ACTR3C: variants seen among roughly 807,000 people sequenced by gnomAD.
ACTR3C encodes the protein actin-related protein 3C.
A neutral mutation model predicts 26.3 loss-of-function variants in ACTR3C; 18 were observed. That is an observed-to-expected ratio of 0.68 (90% CI 0.47 to 1.01). The LOEUF (loss-of-function observed/expected upper bound fraction) is 1.01, where lower values mean the gene tolerates loss of function less well. Among genes scored for constraint, ACTR3C ranks in the 50% least tolerant of loss-of-function variants. ACTR3C has a pLI of 0.00. For missense variants in ACTR3C, 184 were observed against 250.7 expected (o/e 0.73, Z 1.80); for synonymous variants, 55 against 94.5 (o/e 0.58, Z 2.42).
the ACTR3C span, among the ~76,000 whole-genome samples, chr7:150,032,304 G>C: frequency 6.6e-6 from 1 of 152,194 alleles, no homozygotes; most frequent in Non-Finnish European, 1.5e-5. Flanking sequence ...CATTTTGAGA[G>C]GAAGCTCTTG....
chr7:150,314,667 G>A (rs2129616339), intron 1 of ACTR3C, among the ~76,000 whole-genome samples: 1 of 151,718 alleles, frequency 6.6e-6, no homozygotes, highest in South Asian at 2.1e-4. Flanking sequence ...TTAAGGCTGA[G>A]CTTGGTGGCT....
the ACTR3C span, among the ~76,000 whole-genome samples, chr7:150,117,829 G>A: frequency 2.0e-5 from 3 of 152,190 alleles, no homozygotes; most frequent in Non-Finnish European, 4.4e-5. Flanking sequence ...CCTCATACAG[G>A]AGAGCTCTGA....
chr7:150,015,762 G>A, the ACTR3C span, among the ~76,000 whole-genome samples: 2 of 152,174 alleles, frequency 1.3e-5, no homozygotes, highest in African/African-American at 2.4e-5. Context: ...CCTACTCCAT[G>A]CCACAGTGAC....
chr7:150,167,230 C>T, the ACTR3C span, among the ~76,000 whole-genome samples: 5 of 150,664 alleles, frequency 3.3e-5, no homozygotes, highest in Non-Finnish European at 5.9e-5. Flanking sequence ...TGAGAACCCT[C>T]CATACTGTTG....
chr7:150,164,038 G>A, the ACTR3C span, among the ~76,000 whole-genome samples: 1 of 152,150 alleles, frequency 6.6e-6, no homozygotes, highest in East Asian at 1.9e-4. Flanking sequence ...AATATCCCAG[G>A]CTAGGGTATG....
the ACTR3C span, among the ~76,000 whole-genome samples, chr7:150,127,410 T>C: frequency 5.3e-5 from 8 of 152,102 alleles, no homozygotes; most frequent in Non-Finnish European, 7.4e-5. Flanking sequence ...CCTACTTGGC[T>C]GCATTTTACT....
chr7:150,140,053 T>C, the ACTR3C span, among the ~76,000 whole-genome samples: 1 of 144,594 alleles, frequency 6.9e-6, no homozygotes, highest in Admixed American at 6.7e-5. Context: ...CGCACACACA[T>C]GCACACACAC....
At chr7:150,055,614 A>G in the ACTR3C span, among the ~76,000 whole-genome samples, 12 of 152,028 alleles carry the variant, frequency 7.9e-5, no homozygotes, top group African/African-American at 2.7e-4. Context: ...TTTAAGTTTC[A>G]TGTCAGGAAG....
the ACTR3C span, among the ~76,000 whole-genome samples, chr7:150,200,823 AT>A: frequency 6.6e-6 from 1 of 152,226 alleles, no homozygotes; most frequent in African/African-American, 2.4e-5. Flanking sequence ...GAGATAAAAT[AT>A]TATATGTTTC....
At chr7:150,091,837 A>C in the ACTR3C span, among the ~76,000 whole-genome samples, 109 of 151,000 alleles carry the variant, frequency 7.2e-4, no homozygotes, top group African/African-American at 2.6e-3. Flanking sequence ...AAAAAAAAAA[A>C]ATTAGCCGGG....
the ACTR3C span, among the ~76,000 whole-genome samples, chr7:150,168,011 C>T: frequency 6.6e-6 from 1 of 150,800 alleles, no homozygotes; most frequent in Non-Finnish European, 1.5e-5. Context: ...ACAGAAATTT[C>T]TACTACATTC....
At position 150,254,495 on chromosome 7, in the gene ACTR3C, C is replaced by G. The variant is rs1204761167; in HGVS notation, c.565-5441G>C. 2.0e-5 allele frequency among the ~76,000 whole-genome samples: 3 copies of G among 152,170 alleles called. No individual in the cohort carries two copies. In the South Asian group the frequency reaches 6.2e-4, roughly 32 times the overall value. On this transcript the variant is annotated intron_variant, in intron 6 of 7. Transcript: ENST00000683684. ...ATTTGTATTATCTGAGTTCCTTTCT[C>G]AGAAAATAAAGGATCAGGCCTCCCA...
At chr7:150,035,581 C>A in the ACTR3C span, among the ~76,000 whole-genome samples, 1 of 121,270 alleles carries the variant, frequency 8.2e-6, no homozygotes, top group East Asian at 2.3e-4. Context: ...GGAAGAGGGA[C>A]TGGCTCTCAG....
At chr7:150,024,109 C>A in the ACTR3C span, among the ~76,000 whole-genome samples, 1 of 150,932 alleles carries the variant, frequency 6.6e-6, no homozygotes, top group Non-Finnish European at 1.5e-5. Flanking sequence ...ACGATCCCAG[C>A]GTCACAGACC....
chr7:150,275,477 G>A (rs746663493), intron 6 of ACTR3C, among the ~76,000 whole-genome samples: 30 of 152,142 alleles, frequency 2.0e-4, no homozygotes, highest in Non-Finnish European at 3.5e-4. Context: ...TCGGGAGGCC[G>A]AGGCAGGCAG....
At chr7:150,124,119 G>A in the ACTR3C span, among the ~76,000 whole-genome samples, 1 of 152,070 alleles carries the variant, frequency 6.6e-6, no homozygotes, top group African/African-American at 2.4e-5. Flanking sequence ...TGACTTCCAG[G>A]CAGGTGAGCT....
chr7:150,239,507 G>GCTCTCT (rs1187583060), downstream of ACTR3C, among the ~76,000 whole-genome samples: 280 of 102,944 alleles, frequency 2.7e-3, 7 homozygotes, highest in Admixed American at 4.3e-3. Context: ...AAAGTTGCTC[G>GCTCTCT]CTCTCTCTCT....
At chr7:149,999,836 A>T in the ACTR3C span, among the ~76,000 whole-genome samples, 1 of 152,154 alleles carries the variant, frequency 6.6e-6, no homozygotes, top group Admixed American at 6.5e-5. Context: ...TTCCTCTCAG[A>T]GTCTGATCCA....
At chr7:150,284,134 G>A (rs979021127) in intron 6 of ACTR3C, among the ~76,000 whole-genome samples, 2 of 152,120 alleles carry the variant, frequency 1.3e-5, no homozygotes. Flanking sequence ...TGGAATTCAC[G>A]GAAAGCATGG....
Sources: gnomAD v4.1 joint callset for allele counts (sites outside exome capture counted in the v4.1 genomes callset) on GRCh38, gnomAD v4.1.1 for gene constraint, MANE v1.5 for transcripts, NCBI Gene and HGNC (gene_info 2026-07-23, HGNC 2026-07-21) for gene names.